SMO: variants seen among roughly 807,000 people sequenced by gnomAD.
The protein encoded by SMO is protein smoothened.
In SMO, 40 loss-of-function variants were observed where a neutral mutation model predicts 81.6. The ratio of observed to expected loss-of-function variants is 0.49; its 90% confidence interval spans 0.38 to 0.64. The LOEUF is 0.64. Ranked by LOEUF, SMO falls within the 30% of genes least tolerant of loss-of-function variation. The probability of loss-of-function intolerance (pLI) is 0.00; values close to 1 mark genes in which losing one functional copy is unlikely to be tolerated. For missense variants in SMO, 916 were observed against 1,061.1 expected, an observed-to-expected ratio of 0.86 and a Z score of 1.90; for synonymous variants, 434 against 432.1, an observed-to-expected ratio of 1.00 and a Z score of -0.05.
At chr7:129,196,828 T>C (rs1793588389) in intron 1 of SMO, among the ~76,000 whole-genome samples, 1 of 151,932 alleles carries the variant, frequency 6.6e-6, no homozygotes, top group South Asian at 2.1e-4. Context: ...CCGTCCTGGC[T>C]AACATGGTGA....
rs1167098287 is a variant in SMO, at chr7:129,212,375, G to T, written c.2288G>T (p.Arg763Leu). The change falls in exon 12 of 12, where the codon CGA (arginine) becomes CTA (leucine). Residue 763 changes from arginine to leucine, a missense_variant. Arg to Leu is a moderately radical substitution (Grantham distance 102, BLOSUM62 -2). Coordinates refer to ENST00000249373, the MANE Select transcript of SMO (RefSeq NM_005631.5). The surrounding 1 kb of genome is among the most constrained non-coding windows in gnomAD (Gnocchi z 5.0). ...CCCGTGGCATGGGCTCATGGCCGCC[G>T]ACAGGGCCTGGGGCCTATTCACTCC... ...PAPVAWAHGR[R>L]QGLGPIHSRT... 1 of 1,614,066 alleles carries T rather than the reference G, an allele frequency of 6.2e-7. No individual in the cohort carries two copies. Among genetic ancestry groups the T allele is most frequent in the Non-Finnish European group, 8.5e-7 (1 of 1,180,040 alleles).
In SMO at chr7:129,206,286, C is replaced by G. The variant is rs757084526; in HGVS notation, c.1057C>G (p.Leu353Val). ...FKALGTTYQP[L>V]SGKTSYFHLL... ...AGCCCTGGGCACCACCTACCAGCCT[C>G]TCTCGGGCAAGACCTCCTACTTCCA... Residue 353 changes from leucine to valine, a missense_variant, in exon 5 of 12, where the codon CTC becomes GTC. Leu to Val is a conservative substitution (Grantham distance 32). Transcript: ENST00000249373. The surrounding 1 kb of genome is among the most constrained non-coding windows in gnomAD (Gnocchi z 4.4). 3 of 1,614,246 alleles carry G rather than the reference C, an allele frequency of 1.9e-6. No individual in the cohort carries two copies. The highest frequency in any genetic ancestry group is 2.5e-6 in the Non-Finnish European group (3 of 1,180,038).
chr7:129,212,487 A>G lies in SMO; in HGVS notation c.*36A>G, dbSNP rs760007846. 2.5e-4 allele frequency: 394 copies of G among 1,576,470 alleles called. 1 individual carries two copies. Among genetic ancestry groups the G allele is most frequent in the Non-Finnish European group, 3.3e-4 (377 of 1,153,778 alleles). ...CAGGACCTGGGACAGGAAAGAGAGG[A>G]ACCAATACCTTCAAGGCTCTTCTTC... On this transcript the variant is annotated 3_prime_UTR_variant, in exon 12 of 12. Coordinates refer to ENST00000249373, the MANE Select transcript of SMO (RefSeq NM_005631.5). The surrounding 1 kb of genome is among the most constrained non-coding windows in gnomAD (Gnocchi z 5.0).
intron 1 of SMO, among the ~76,000 whole-genome samples, chr7:129,202,029 G>C (rs1292091645): frequency 1.3e-5 from 2 of 152,080 alleles, no homozygotes; most frequent in Non-Finnish European, 2.9e-5. Flanking sequence ...TGAGGACATT[G>C]CTTCTTAACT....
rs2150655357 is a variant in SMO, at chr7:129,211,565, G to T, written c.1802-71G>T. The T allele has an allele frequency of 6.5e-7, 1 of 1,539,532 alleles. No individual in the cohort carries two copies. Among genetic ancestry groups the T allele is most frequent in the South Asian group, 1.1e-5 (1 of 87,694 alleles). On this transcript the variant is annotated intron_variant, in intron 10 of 11. Coordinates refer to ENST00000249373, the MANE Select transcript of SMO (RefSeq NM_005631.5). The surrounding 1 kb of genome is among the most constrained non-coding windows in gnomAD (Gnocchi z 4.6). ...TGGCTGTGGGAAGATGAATGGCACT[G>T]ACTATGGGAGGCACTGCCAGGGACC...
Position 129,206,013 on chromosome 7 carries a change from C to T in SMO, c.921-137C>T, listed in dbSNP as rs935188197. ...GCTCCTAGAGCCTCCTCAGATCTGA[C>T]CTGGGTCCTGTCTCCAAGCCCTGAC... On this transcript the variant is annotated intron_variant, in intron 4 of 11. Transcript: ENST00000249373. The surrounding 1 kb of genome is among the most constrained non-coding windows in gnomAD (Gnocchi z 4.4). 1 of 818,802 alleles carries T rather than the reference C, an allele frequency of 1.2e-6. No individual in the cohort carries two copies. Among genetic ancestry groups the T allele is most frequent in the South Asian group, 1.7e-5 (1 of 58,960 alleles). 50.7% of individuals were successfully genotyped at this position (818,802 alleles called of 1,614,324 possible). A position where few individuals can be genotyped will look rare whatever the true frequency, so the allele number is the denominator to read the frequency against.
rs2150652051 is a variant in SMO at position 129,208,701 on chromosome 7, T to C, written c.1265-58T>C. 9.2e-7 allele frequency: 1 copy of C among 1,091,190 alleles called. No homozygotes were observed. The highest frequency in any genetic ancestry group is 1.4e-6 in the Non-Finnish European group (1 of 710,252). The allele number at this position is 1,091,190 out of a possible 1,614,324, so 67.6% of individuals were successfully genotyped here. A position where few individuals can be genotyped will look rare whatever the true frequency, so the allele number is the denominator to read the frequency against. On this transcript the variant is annotated intron_variant, in intron 6 of 11. Coordinates refer to ENST00000249373, the MANE Select transcript of SMO (RefSeq NM_005631.5). The surrounding 1 kb of genome is among the most constrained non-coding windows in gnomAD (Gnocchi z 5.2). Reference sequence around the variant, plus strand: ...TTAGGACCCTCCTCCCACTCACCCATCCTTCCCAGCAGGGCAGCCTCACCC... The same window carrying C: ...TTAGGACCCTCCTCCCACTCACCCACCCTTCCCAGCAGGGCAGCCTCACCC...
intron 1 of SMO, among the ~76,000 whole-genome samples, chr7:129,192,557 G>A (rs1042617006): frequency 2.0e-5 from 3 of 152,148 alleles, no homozygotes; most frequent in Non-Finnish European, 4.4e-5. Flanking sequence ...ACCAGGGGAT[G>A]TTGAAGTAGC....
At position 129,205,349 on chromosome 7, in the gene SMO, G is replaced by C. The variant is rs765151743; in HGVS notation, c.684G>C (p.Gln228His). ...CGCTCTTCACAGAGGCTGAGCACCAGGACATGCACAGCTACATCGCGGCCT... is the reference window on the plus strand; with the variant it reads ...CGCTCTTCACAGAGGCTGAGCACCACGACATGCACAGCTACATCGCGGCCT... ...QNPLFTEAEH[Q>H]DMHSYIAAFG... Residue 228 changes from glutamine to histidine, a missense_variant, in exon 3 of 12, where the codon CAG (glutamine) becomes CAC (histidine). By Grantham distance (24) the Gln-to-His change is conservative. Coordinates refer to ENST00000249373, the MANE Select transcript of SMO (RefSeq NM_005631.5). The C allele has an allele frequency of 6.2e-7, 1 of 1,613,990 alleles. No individual in the cohort carries two copies. The highest frequency in any genetic ancestry group is 8.5e-7 in the Non-Finnish European group (1 of 1,179,932).
chr7:129,190,058 G>A (rs550378198), intron 1 of SMO, among the ~76,000 whole-genome samples: 45 of 152,328 alleles, frequency 3.0e-4, no homozygotes, highest in African/African-American at 1.1e-3. Context: ...CTAGAGAACT[G>A]TGATCTTGTC....
At chr7:129,200,511 G>C (rs1584658241) in intron 1 of SMO, among the ~76,000 whole-genome samples, 1 of 151,978 alleles carries the variant, frequency 6.6e-6, no homozygotes, top group Non-Finnish European at 1.5e-5. Flanking sequence ...GGACTTTTAT[G>C]TAAGAAATGG....
At chr7:129,198,927 C>T (rs568339489) in intron 1 of SMO, among the ~76,000 whole-genome samples, 4 of 152,270 alleles carry the variant, frequency 2.6e-5, no homozygotes, top group South Asian at 2.1e-4. Flanking sequence ...TAATGGTGTA[C>T]ATTATTTTAC....
Position 129,189,243 on chromosome 7 carries a change from C to A in SMO, c.92C>A (p.Ala31Asp). The A allele has an allele frequency of 8.3e-7, 1 of 1,208,256 alleles. No individual in the cohort carries two copies. The highest frequency in any genetic ancestry group is 1.0e-6 in the Non-Finnish European group (1 of 965,660). The allele number at this position is 1,208,256 out of a possible 1,614,324, so 74.8% of individuals were successfully genotyped here. Residue 31 changes from alanine (A) to aspartate (D), a missense_variant, in exon 1 of 12, where the codon GCC (alanine) becomes GAC (aspartate). Physicochemically the swap from Ala to Asp is moderately radical, Grantham distance 126 (BLOSUM62 -2). Coordinates refer to ENST00000249373, the MANE Select transcript of SMO (RefSeq NM_005631.5). The surrounding 1 kb of genome is among the most constrained non-coding windows in gnomAD (Gnocchi z 4.7). Reference protein sequence around the residue: ...LLLGDPGRGAASSGNATGPGP... With the variant: ...LLLGDPGRGADSSGNATGPGP... Reference sequence around the variant, plus strand: ...CTGGGGGACCCGGGCCGGGGGGCGGCCTCGAGCGGGAACGCGACCGGGCCT... The same window carrying A: ...CTGGGGGACCCGGGCCGGGGGGCGGACTCGAGCGGGAACGCGACCGGGCCT...
At chr7:129,198,000 T>A (rs1218835593) in intron 1 of SMO, among the ~76,000 whole-genome samples, 1 of 152,230 alleles carries the variant, frequency 6.6e-6, no homozygotes, top group Admixed American at 6.5e-5. Flanking sequence ...AAAGCTGATA[T>A]CCCCTCTCTT....
Position 129,189,183 on chromosome 7 carries a change from A to G in SMO, c.32A>G (p.Glu11Gly). The G allele has an allele frequency of 8.6e-7, 1 of 1,167,128 alleles. No homozygotes were observed. Among genetic ancestry groups the G allele is most frequent in the Non-Finnish European group, 1.1e-6 (1 of 933,600 alleles). 72.3% of individuals were successfully genotyped at this position (1,167,128 alleles called of 1,614,324 possible). ...GCTGCCCGCCCAGCGCGGGGGCCGG[A>G]GCTCCCGCTCCTGGGGCTGCTGCTG... is the stretch of plus-strand genomic sequence containing the variant. Reference protein sequence around the residue: MAAARPARGPELPLLGLLLLL... With the variant: MAAARPARGPGLPLLGLLLLL... Residue 11 changes from glutamate to glycine, a missense_variant, in exon 1 of 12, where the codon GAG becomes GGG. Physicochemically the swap from Glu to Gly is moderately conservative, Grantham distance 98 (BLOSUM62 -2). Coordinates refer to ENST00000249373, the MANE Select transcript of SMO (RefSeq NM_005631.5). This position sits in a 1 kb window ranked among gnomAD's most constrained non-coding sequence, Gnocchi z 4.7.
At chr7:129,200,188 C>T (rs1041959532) in intron 1 of SMO, among the ~76,000 whole-genome samples, 1 of 152,134 alleles carries the variant, frequency 6.6e-6, no homozygotes, top group Non-Finnish European at 1.5e-5. Flanking sequence ...GAGACCGAGG[C>T]GGGTGGATCA....
rs2150652906 is a variant in SMO at position 129,209,362 on chromosome 7, G to A, written c.1431G>A (p.Gln477=). 1 of 1,614,006 alleles carries A rather than the reference G, an allele frequency of 6.2e-7. No individual in the cohort carries two copies. Among genetic ancestry groups the A allele is most frequent in the Non-Finnish European group, 8.5e-7 (1 of 1,179,860 alleles). Residue 477 remains glutamine, a synonymous_variant, in exon 8 of 12, where the codon CAG becomes CAA. Coordinates refer to ENST00000249373, the MANE Select transcript of SMO (RefSeq NM_005631.5). Reference sequence around the variant, plus strand: ...GCCACTTCTACGACTTCTTCAACCAGGCTGAGTGGGAGCGCAGCTTCCGGG... The same window carrying A: ...GCCACTTCTACGACTTCTTCAACCAAGCTGAGTGGGAGCGCAGCTTCCGGG... ...FSCHFYDFFN[Q]AEWERSFRDY...
Position 129,189,077 on chromosome 7 carries a change from G to T in SMO, c.-75G>T. On this transcript the variant is annotated 5_prime_UTR_variant, in exon 1 of 12. Transcript: ENST00000249373. The surrounding 1 kb of genome is among the most constrained non-coding windows in gnomAD (Gnocchi z 4.7). The stretch of plus-strand genomic sequence containing the variant: ...CTGAGCCGCCTCCGCGGCCGCCGAG[G>T]TCGTGCGTGTGGCCGGGGGGCTCCG... The T allele has an allele frequency of 8.4e-7, 1 of 1,190,484 alleles. No individual in the cohort carries two copies. The allele number at this position is 1,190,484 out of a possible 1,614,324, so 73.7% of individuals were successfully genotyped here. A position where few individuals can be genotyped will look rare whatever the true frequency, so the allele number is the denominator to read the frequency against.
At chr7:129,195,247 T>A (rs1180251848) in intron 1 of SMO, among the ~76,000 whole-genome samples, 1 of 152,254 alleles carries the variant, frequency 6.6e-6, no homozygotes, top group East Asian at 1.9e-4. Flanking sequence ...GCACGCATAC[T>A]TTAGGCTTTT....
Sources: gnomAD v4.1 joint callset for allele counts (sites outside exome capture counted in the v4.1 genomes callset) on GRCh38, gnomAD v4.1.1 for gene constraint, Gnocchi (gnomAD v3.1) non-coding constraint, MANE v1.5 for transcripts, NCBI Gene and HGNC (gene_info 2026-07-23, HGNC 2026-07-21) for gene names.